Variants in CD226 observed in about 807,000 individuals in gnomAD.
The protein encoded by CD226 is CD226 antigen.
CD226 carries 24 observed loss-of-function variants against 34.9 expected under a neutral mutation model. The observed-to-expected ratio is 0.69, with a 90% CI of 0.50 to 0.97. CD226 has a LOEUF of 0.97. Among genes scored for constraint, CD226 ranks in the 50% least tolerant of loss-of-function variants. The probability of loss-of-function intolerance (pLI) is 0.00; values close to 1 mark genes in which losing one functional copy is unlikely to be tolerated. For synonymous variants in CD226, 148 were observed against 147.4 expected (o/e 1.00, Z -0.03); for missense variants, 397 against 412.7 (o/e 0.96, Z 0.33).
rs892572451 is a variant in CD226 at position 69,864,245 on chromosome 18, A to C, written c.*69T>G. ...TAAGGTAGACCTTGGGTAGTGGAAA[A>C]AAATTGCATAAAGATCCATGCATGA... is the stretch of plus-strand genomic sequence containing the variant. On this transcript the variant is annotated 3_prime_UTR_variant, in exon 6 of 6. Coordinates refer to ENST00000582621, the MANE Select transcript of CD226 (RefSeq NM_001303618.2). The C allele has an allele frequency of 2.6e-6, 4 of 1,528,514 alleles. No homozygotes were observed. The African/African-American group carries it at 5.5e-5, about 21-fold the overall frequency. The allele number at this position is 1,528,514 out of a possible 1,614,324, so 94.7% of individuals were successfully genotyped here.
At chr18:69,932,431 A>C (rs1485438216) in intron 2 of CD226, among the ~76,000 whole-genome samples, 1 of 152,148 alleles carries the variant, frequency 6.6e-6, no homozygotes, top group Non-Finnish European at 1.5e-5. Flanking sequence ...GTTCCAAATC[A>C]AGTGTTCTGA....
Position 69,856,179 on chromosome 18 carries a change from G to T in CD226, c.*8135C>A, listed in dbSNP as rs1258145922. ...ATGTTAATATCAGAAAAAGCAGACA[G>T]AACAAGAAAGATTATCAAGAATAAA... On this transcript the variant is annotated 3_prime_UTR_variant, in exon 6 of 6. Transcript: ENST00000582621. 1 of 152,040 alleles carries T rather than the reference G, an allele frequency of 6.6e-6. No individual in the cohort carries two copies. The highest frequency in any genetic ancestry group is 1.5e-5 in the Non-Finnish European group (1 of 67,988). The allele number at this position is 152,040 out of a possible 1,614,324, so 9.4% of individuals were successfully genotyped here. A position where few individuals can be genotyped will look rare whatever the true frequency, so the allele number is the denominator to read the frequency against.
intron 2 of CD226, among the ~76,000 whole-genome samples, chr18:69,942,059 A>G (rs1370045718): frequency 6.6e-6 from 1 of 152,156 alleles, no homozygotes; most frequent in Non-Finnish European, 1.5e-5. Flanking sequence ...TGCCATGTGA[A>G]GAAGGACATG....
chr18:69,857,452 G>A lies in CD226; in HGVS notation c.*6862C>T, dbSNP rs1443158299. On this transcript the variant is annotated 3_prime_UTR_variant, in exon 6 of 6. Coordinates refer to ENST00000582621, the MANE Select transcript of CD226 (RefSeq NM_001303618.2). ...TTGGAGAGCTCAAAGTCTTACTCAGGCAGCTGATCAAAGAATAATGGTCTT... is the reference window on the plus strand; with the variant it reads ...TTGGAGAGCTCAAAGTCTTACTCAGACAGCTGATCAAAGAATAATGGTCTT... The A allele has an allele frequency of 6.6e-6, 1 of 152,172 alleles. No individual in the cohort carries two copies. Among genetic ancestry groups the A allele is most frequent in the Non-Finnish European group, 1.5e-5 (1 of 68,038 alleles). The allele number at this position is 152,172 out of a possible 1,614,324, so 9.4% of individuals were successfully genotyped here. A position where few individuals can be genotyped will look rare whatever the true frequency, so the allele number is the denominator to read the frequency against.
intron 2 of CD226, among the ~76,000 whole-genome samples, chr18:69,920,129 G>C (rs1427405252): frequency 6.6e-6 from 1 of 152,072 alleles, no homozygotes; most frequent in Non-Finnish European, 1.5e-5. Flanking sequence ...CTCCCAAAGT[G>C]CTGGGATTAC....
At chr18:69,935,909 C>G (rs145841542) in intron 2 of CD226, among the ~76,000 whole-genome samples, 419 of 152,304 alleles carry the variant, frequency 2.8e-3, no homozygotes, top group Admixed American at 5.4e-3. Context: ...AATGGCTGCA[C>G]ACAAAGATGG....
In CD226 at chr18:69,927,463, T is replaced by C. The variant is rs564027595; in HGVS notation, c.382+19271A>G. Among the ~76,000 whole-genome samples, 8 of 152,182 alleles carry C rather than the reference T, an allele frequency of 5.3e-5. No homozygotes were observed. In the South Asian group the frequency reaches 1.0e-3, roughly 20 times the overall value. ...TTCAGTAGCATTAAGTATATTCACA[T>C]TGTTGTATACCCAATTTTCAGAACT... On this transcript the variant is annotated intron_variant, in intron 2 of 5. Transcript: ENST00000582621.
At chr18:69,944,490 A>G (rs968232158) in intron 2 of CD226, 9 of 152,252 alleles carry the variant, frequency 5.9e-5, no homozygotes, top group Non-Finnish European at 1.2e-4. Flanking sequence ...CTACCTTTGC[A>G]TAACAACCAT....
rs2055544880 is a variant in CD226, at chr18:69,928,040, A to C, written c.382+18694T>G. Among the ~76,000 whole-genome samples the C allele has an allele frequency of 1.3e-5, 2 of 152,250 alleles. 1 individual carries two copies. Among genetic ancestry groups the C allele is most frequent in the South Asian group, 4.1e-4 (2 of 4,834 alleles). ...ACTGAAGAATCTCATTAAGCTATGA[A>C]ATATGCAGAAAAGCGGTAGATAAGT... On this transcript the variant is annotated intron_variant, in intron 2 of 5. Transcript: ENST00000582621.
intron 2 of CD226, among the ~76,000 whole-genome samples, chr18:69,932,600 A>C (rs1325511040): frequency 6.6e-6 from 1 of 152,192 alleles, no homozygotes; most frequent in Non-Finnish European, 1.5e-5. Context: ...ATTCCCAAGC[A>C]CACCAGCCTC....
intron 2 of CD226, among the ~76,000 whole-genome samples, chr18:69,897,911 T>C (rs1191331249): frequency 6.6e-6 from 1 of 152,140 alleles, no homozygotes; most frequent in Admixed American, 6.5e-5. Flanking sequence ...CACTCCAGCT[T>C]TCTCCTCTGT....
chr18:69,957,420 C>G (rs1238523259), upstream of CD226, among the ~76,000 whole-genome samples: 1 of 152,002 alleles, frequency 6.6e-6, no homozygotes, highest in Non-Finnish European at 1.5e-5. Flanking sequence ...GAGAACGAAC[C>G]CTGCATGTTT....
chr18:69,870,612 G>A (rs1396627048), intron 4 of CD226, among the ~76,000 whole-genome samples: 4 of 152,122 alleles, frequency 2.6e-5, no homozygotes, highest in Non-Finnish European at 4.4e-5. Context: ...ATGTGAGGCT[G>A]TTTCCCTAGC....
intron 2 of CD226, among the ~76,000 whole-genome samples, chr18:69,918,978 A>G (rs1360106801): frequency 6.6e-6 from 1 of 152,196 alleles, no homozygotes; most frequent in Non-Finnish European, 1.5e-5. Context: ...CAATCAGAGG[A>G]GGTGGGGGCC....
intron 3 of CD226, among the ~76,000 whole-genome samples, chr18:69,890,824 A>G (rs1279718985): frequency 5.3e-5 from 8 of 152,196 alleles, no homozygotes; most frequent in Non-Finnish European, 8.8e-5. Context: ...CACTGATCCC[A>G]GGACCAGGTG....
intron 4 of CD226, 63 bp from the exon 5 acceptor site, chr18:69,867,474 A>C (rs3737395): frequency 9.4e-7 from 1 of 1,062,074 alleles, no homozygotes; most frequent in Non-Finnish European, 1.5e-6. Flanking sequence ...ATTATTTCGA[A>C]GACTCTATAC....
rs1482775875 is a variant in CD226 at position 69,858,837 on chromosome 18, C to G, written c.*5477G>C. 7.3e-6 allele frequency: 1 copy of G among 136,632 alleles called. No homozygotes were observed. Among genetic ancestry groups the G allele is most frequent in the African/African-American group, 2.8e-5 (1 of 35,322 alleles). The allele number at this position is 136,632 out of a possible 1,614,324, so 8.5% of individuals were successfully genotyped here. A position where few individuals can be genotyped will look rare whatever the true frequency, so the allele number is the denominator to read the frequency against. Reference sequence around the variant, plus strand: ...CTCTGCCTCCCGGGTTCAAGCGATTCTTCTGCCTCAGCCTCCCAAGTAGCT... The same window carrying G: ...CTCTGCCTCCCGGGTTCAAGCGATTGTTCTGCCTCAGCCTCCCAAGTAGCT... On this transcript the variant is annotated 3_prime_UTR_variant, in exon 6 of 6. Coordinates refer to ENST00000582621, the MANE Select transcript of CD226 (RefSeq NM_001303618.2).
chr18:69,949,393 A>C (rs1268178570), upstream of CD226, among the ~76,000 whole-genome samples: 1 of 152,190 alleles, frequency 6.6e-6, no homozygotes, highest in Non-Finnish European at 1.5e-5. Flanking sequence ...GAATTGGAAA[A>C]ATTAATTTCA....
In CD226 at chr18:69,954,134, T is replaced by C. The variant is rs58857118; in HGVS notation, c.-28+2621A>G. 5.7e-3 allele frequency among the ~76,000 whole-genome samples: 863 copies of C among 152,242 alleles called. 3 individuals are homozygous for C. Among genetic ancestry groups the C allele is most frequent in the South Asian group, 7.7e-3 (37 of 4,822 alleles). On this transcript the variant is annotated intron_variant, in intron 1 of 6. Coordinates refer to the CD226 transcript ENST00000280200. ...CCACATTCACCCCAGGTCTTACCAA[T>C]GAATGAGGCCACCCCATCTTGCTGT...
Sources: allele counts gnomAD v4.1 joint callset (sites outside exome capture counted in the v4.1 genomes callset), GRCh38; gene constraint gnomAD v4.1.1; transcripts MANE v1.5; gene names NCBI Gene and HGNC (gene_info 2026-07-23, HGNC 2026-07-21).